UGT1A5: variants seen among roughly 807,000 people sequenced by gnomAD.
UGT1A5 encodes the protein UDP-glucuronosyltransferase 1A5.
In UGT1A5, 29 loss-of-function variants were observed where a neutral mutation model predicts 40.3. That is an observed-to-expected ratio of 0.72 (90% CI 0.54 to 0.98). The LOEUF (loss-of-function observed/expected upper bound fraction) is 0.98. Among genes scored for constraint, UGT1A5 ranks in the 50% least tolerant of loss-of-function variants. The probability of loss-of-function intolerance (pLI) is 0.00; values close to 1 mark genes in which losing one functional copy is unlikely to be tolerated. For missense variants in UGT1A5, 678 were observed against 677.9 expected (o/e 1.00, Z 0.00); for synonymous variants, 257 against 262.5 (o/e 0.98, Z 0.20).
intron 1 of UGT1A5, chr2:233,717,750 C>A (rs1480430133): frequency 6.6e-6 from 3 of 456,544 alleles, no homozygotes; most frequent in East Asian, 1.4e-4. Context: ...AGGGTCTCCC[C>A]CTAGAAAGGC....
chr2:233,745,241 G>A (rs1693049313), intron 1 of UGT1A5, among the ~76,000 whole-genome samples: 1 of 151,840 alleles, frequency 6.6e-6, no homozygotes, highest in African/African-American at 2.4e-5. Flanking sequence ...ACTATTTACT[G>A]TATCGAAACC....
At chr2:233,730,125 A>G (rs2077990033) in intron 1 of UGT1A5, 5 of 1,544,888 alleles carry the variant, frequency 3.2e-6, no homozygotes, top group Non-Finnish European at 4.4e-6. Flanking sequence ...TTGTCATAAT[A>G]GCCTTCAGTG....
In UGT1A5 at chr2:233,743,890, G is replaced by A. The variant is rs376911193; in HGVS notation, c.868-23144G>A. On this transcript the variant is annotated intron_variant, in intron 1 of 4. Transcript: ENST00000373414. ...CCTCGGATGAGGCCTGCCGGGGCAC[G>A]TCCAGCACCTCGTAGTAGTCCACCA... 9.6e-5 allele frequency: 131 copies of A among 1,366,674 alleles called. 1 individual carries two copies. The highest frequency in any genetic ancestry group is 6.3e-4 in the Middle Eastern group (3 of 4,786). The allele number at this position is 1,366,674 out of a possible 1,614,324, so 84.7% of individuals were successfully genotyped here. A position where few individuals can be genotyped will look rare whatever the true frequency, so the allele number is the denominator to read the frequency against.
Position 233,767,922 on chromosome 2 carries a change from A to G in UGT1A5, c.1073A>G (p.Gln358Arg), listed in dbSNP as rs72551351. The G allele has an allele frequency of 6.2e-7, 1 of 1,614,240 alleles. No individual in the cohort carries two copies. The highest frequency in any genetic ancestry group is 1.1e-5 in the South Asian group (1 of 91,086). ...ACGATACTTGTTAAGTGGCTACCCC[A>G]AAACGATCTGCTTGGTATGTTGGGC... ...NNTILVKWLP[Q>R]NDLLGHPMTR... Residue 358 changes from glutamine (Q) to arginine (R), a missense_variant, in exon 3 of 5, where the codon CAA (glutamine) becomes CGA (arginine). Physicochemically the swap from Gln to Arg is conservative, Grantham distance 43. Transcript: ENST00000373414.
Position 233,760,573 on chromosome 2 carries a change from G to A in UGT1A5, c.868-6461G>A, listed in dbSNP as rs1208621089. The A allele has an allele frequency of 1.1e-5, 18 of 1,614,052 alleles. No individual in the cohort carries two copies. The highest frequency in any genetic ancestry group is 2.7e-5 in the African/African-American group (2 of 74,912). ...TGTGAAAGAGTCTTTTGTTAGTCTC[G>A]GGCATAATGTTTTTGAGAATGATTC... On this transcript the variant is annotated intron_variant, in intron 1 of 4. Coordinates refer to ENST00000373414, the MANE Select transcript of UGT1A5 (RefSeq NM_019078.2).
chr2:233,741,332 A>G (rs1691632779), intron 1 of UGT1A5, among the ~76,000 whole-genome samples: 1 of 151,816 alleles, frequency 6.6e-6, no homozygotes, highest in South Asian at 2.1e-4. Context: ...CTCTACCCAG[A>G]GTAGTGATTT....
At chr2:233,755,161 C>T (rs1553619056) in intron 1 of UGT1A5, 1 of 1,292,236 alleles carries the variant, frequency 7.7e-7, no homozygotes, top group Non-Finnish European at 1.0e-6. Flanking sequence ...TCCCTGTCCT[C>T]GGGGTTTTTG....
intron 1 of UGT1A5, among the ~76,000 whole-genome samples, chr2:233,753,927 T>C (rs943116990): frequency 6.6e-6 from 1 of 152,224 alleles, no homozygotes; most frequent in Non-Finnish European, 1.5e-5. Flanking sequence ...CTCAGTGATA[T>C]GGGATTCAAA....
intron 1 of UGT1A5, among the ~76,000 whole-genome samples, chr2:233,749,222 T>C (rs1694145273): frequency 6.6e-6 from 1 of 151,946 alleles, no homozygotes; most frequent in Non-Finnish European, 1.5e-5. Context: ...CACTCTAAGC[T>C]TCATTTTTTA....
At position 233,736,090 on chromosome 2, in the gene UGT1A5, T is replaced by C. The variant is rs1422886640; in HGVS notation, c.867+22232T>C. ...AGGTTTGGGAAGTTCTCCTGGATAA[T>C]ATCCTGAAGAGTGTTTTCCAACTTG... On this transcript the variant is annotated intron_variant, in intron 1 of 4. Coordinates refer to ENST00000373414, the MANE Select transcript of UGT1A5 (RefSeq NM_019078.2). Among the ~76,000 whole-genome samples, 4 of 152,378 alleles carry C rather than the reference T, an allele frequency of 2.6e-5. No homozygotes were observed. The East Asian group carries it at 7.7e-4, about 29-fold the overall frequency.
At chr2:233,722,845 C>CTT (rs61550889) in intron 1 of UGT1A5, among the ~76,000 whole-genome samples, 2,212 of 135,308 alleles carry the variant, frequency 0.016, 155 homozygotes, top group African/African-American at 0.055. Context: ...AAGAATGTTT[C>CTT]TTTTTTTTTT....
intron 1 of UGT1A5, among the ~76,000 whole-genome samples, chr2:233,759,541 C>T (rs1020987350): frequency 6.6e-6 from 1 of 152,092 alleles, no homozygotes; most frequent in Admixed American, 6.6e-5. Context: ...TGTTCACATG[C>T]GCTCCAGTGA....
chr2:233,766,546 G>A (rs1699179284), intron 1 of UGT1A5, among the ~76,000 whole-genome samples: 1 of 152,192 alleles, frequency 6.6e-6, no homozygotes, highest in Admixed American at 6.5e-5. Flanking sequence ...AAAAATGCCT[G>A]TCCTCACCTA....
intron 1 of UGT1A5, chr2:233,718,078 G>T (rs1030624873): frequency 1.2e-5 from 4 of 342,356 alleles, no homozygotes; most frequent in African/African-American, 4.3e-5. Flanking sequence ...TGCTAGGGTT[G>T]TCTTGCCCAT....
intron 1 of UGT1A5, among the ~76,000 whole-genome samples, chr2:233,752,809 C>T (rs1695067711): frequency 6.6e-6 from 1 of 152,224 alleles, no homozygotes. Flanking sequence ...AGAAGGAACA[C>T]TTCCCATTTA....
intron 1 of UGT1A5, among the ~76,000 whole-genome samples, chr2:233,723,452 C>G (rs2125693136): frequency 1.4e-5 from 2 of 138,456 alleles, no homozygotes; most frequent in African/African-American, 5.6e-5. Context: ...TCAGGTGATC[C>G]ACCCGCCTCA....
At chr2:233,714,266 G>A (rs374255632) in intron 1 of UGT1A5, among the ~76,000 whole-genome samples, 1 of 152,208 alleles carries the variant, frequency 6.6e-6, no homozygotes, top group African/African-American at 2.4e-5. Flanking sequence ...ATTTACAATT[G>A]TTGACGTGAC....
At chr2:233,718,692 G>A in intron 1 of UGT1A5, 1 of 1,589,924 alleles carries the variant, frequency 6.3e-7, no homozygotes, top group Middle Eastern at 2.3e-4. Context: ...AACTGGAGGA[G>A]GGCACTTTGT....
At chr2:233,743,407 C>T in intron 1 of UGT1A5, 1 of 1,313,416 alleles carries the variant, frequency 7.6e-7, no homozygotes, top group Non-Finnish European at 1.0e-6. Flanking sequence ...AGAAAGGCCC[C>T]CACTTCCCAG....
Sources: gnomAD v4.1 joint callset for allele counts (sites outside exome capture counted in the v4.1 genomes callset) on GRCh38, gnomAD v4.1.1 for gene constraint, MANE v1.5 for transcripts, NCBI Gene and HGNC (gene_info 2026-07-23, HGNC 2026-07-21) for gene names.